GSG1L: variants seen among roughly 807,000 people sequenced by gnomAD.
GSG1L encodes GSG1 like, also known as germ cell-specific gene 1-like protein.
Under a neutral mutation model 42.1 loss-of-function variants are expected in GSG1L, and 24 were observed. The observed-to-expected ratio is 0.57, with a 90% CI of 0.41 to 0.80. The LOEUF is 0.80. GSG1L is among the 30% of genes least tolerant of loss of function. The pLI, the probability that GSG1L is intolerant of heterozygous loss-of-function variation, is 0.00. For missense variants in GSG1L, 445 were observed against 472.2 expected, an observed-to-expected ratio of 0.94 and a Z score of 0.53; for synonymous variants, 215 against 203.5, an observed-to-expected ratio of 1.06 and a Z score of -0.48.
At chr16:28,042,025 G>A (rs118158508) in intron 1 of GSG1L, among the ~76,000 whole-genome samples, 1 of 152,158 alleles carries the variant, frequency 6.6e-6, no homozygotes, top group Non-Finnish European at 1.5e-5. Context: ...TTTTACATTC[G>A]CCATTTCTGT....
At chr16:28,039,069 C>A (rs1418139471) in intron 1 of GSG1L, among the ~76,000 whole-genome samples, 1 of 152,114 alleles carries the variant, frequency 6.6e-6, no homozygotes, top group Non-Finnish European at 1.5e-5. Flanking sequence ...CTTTTTCTAA[C>A]CTTAGAAAAG....
At chr16:27,951,725 C>T (rs1242141002) in intron 2 of GSG1L, among the ~76,000 whole-genome samples, 2 of 152,194 alleles carry the variant, frequency 1.3e-5, no homozygotes, top group African/African-American at 4.8e-5. Context: ...GCTCCCCTCT[C>T]TGCTCAGCAT....
chr16:28,054,716 C>T (rs999562794), intron 1 of GSG1L, among the ~76,000 whole-genome samples: 19 of 151,950 alleles, frequency 1.3e-4, no homozygotes, highest in Non-Finnish European at 8.8e-5. Context: ...GGGCTGGGAA[C>T]TCAATCCTGT....
chr16:27,976,451 T>C (rs1363848725), intron 1 of GSG1L, among the ~76,000 whole-genome samples: 1 of 152,146 alleles, frequency 6.6e-6, no homozygotes, highest in African/African-American at 2.4e-5. Flanking sequence ...TAATAGTACT[T>C]CATAAATCGT....
In GSG1L at chr16:27,884,509, G is replaced by A. The variant is rs141366433; in HGVS notation, c.527C>T (p.Ala176Val). ...ACCTGAGAGCACCGTGAAGACAGCCGCGAAGGCATTGAGCTTGAGCCCGTC... is the reference window on the plus strand; with the variant it reads ...ACCTGAGAGCACCGTGAAGACAGCCACGAAGGCATTGAGCTTGAGCCCGTC... ...VIDGLKLNAF[A>V]AVFTVLSGLL... Residue 176 changes from alanine (A) to valine (V), a missense_variant, in exon 3 of 7, where the codon GCG becomes GTG. Transcript: ENST00000447459. This position sits in a 1 kb window ranked among gnomAD's most constrained non-coding sequence, Gnocchi z 4.4. The A allele has an allele frequency of 7.4e-6, 12 of 1,613,642 alleles. No individual in the cohort carries two copies. Among genetic ancestry groups the A allele is most frequent in the African/African-American group, 4.0e-5 (3 of 74,890 alleles).
At chr16:27,830,373 T>C (rs2083262077) in intron 4 of GSG1L, among the ~76,000 whole-genome samples, 1 of 152,034 alleles carries the variant, frequency 6.6e-6, no homozygotes, top group South Asian at 2.1e-4. Flanking sequence ...GCATTCCCCA[T>C]GGTCAATGAA....
chr16:27,903,500 C>T (rs1475701938), intron 2 of GSG1L, among the ~76,000 whole-genome samples: 2 of 152,172 alleles, frequency 1.3e-5, no homozygotes, highest in Admixed American at 6.5e-5. Context: ...GGTCACTTTC[C>T]TCTGATGTGT....
chr16:27,816,064 C>T (rs1224464211), intron 5 of GSG1L, among the ~76,000 whole-genome samples: 1 of 152,208 alleles, frequency 6.6e-6, no homozygotes, highest in African/African-American at 2.4e-5. Flanking sequence ...ATTATTGTTA[C>T]TGTTGTCACC....
intron 6 of GSG1L, among the ~76,000 whole-genome samples, chr16:27,803,220 A>G (rs1319295865): frequency 6.6e-6 from 1 of 151,846 alleles, no homozygotes; most frequent in Non-Finnish European, 1.5e-5. Context: ...GGTGGTGCAC[A>G]CTGCTAACCC....
At chr16:27,939,656 A>G (rs900791125) in intron 2 of GSG1L, among the ~76,000 whole-genome samples, 8 of 152,172 alleles carry the variant, frequency 5.3e-5, no homozygotes, top group African/African-American at 1.9e-4. Context: ...TAATATATTT[A>G]GAAGAAGAGA....
At chr16:27,876,105 T>G (rs1300453620) in intron 3 of GSG1L, among the ~76,000 whole-genome samples, 1 of 152,194 alleles carries the variant, frequency 6.6e-6, no homozygotes, top group East Asian at 1.9e-4. Flanking sequence ...AATATTCATC[T>G]TTCTGACTTA....
chr16:28,024,037 A>G (rs898521706), intron 1 of GSG1L, among the ~76,000 whole-genome samples: 1 of 152,186 alleles, frequency 6.6e-6, no homozygotes, highest in Admixed American at 6.5e-5. Flanking sequence ...CTCAAAAAAT[A>G]AAGAAAAGAA....
intron 5 of GSG1L, chr16:27,823,767 A>G: frequency 1.5e-6 from 1 of 681,916 alleles, no homozygotes; most frequent in Non-Finnish European, 2.7e-6. Context: ...GTCCTAGCTC[A>G]ATACCCAGCA....
chr16:27,855,115 C>T (rs79103542), intron 3 of GSG1L, among the ~76,000 whole-genome samples: 2 of 152,084 alleles, frequency 1.3e-5, no homozygotes, highest in Admixed American at 6.6e-5. Context: ...GGGTGCTCGA[C>T]CGTGATGGTG....
intron 2 of GSG1L, among the ~76,000 whole-genome samples, chr16:27,904,870 G>GC (rs2084302116): frequency 6.6e-6 from 1 of 152,216 alleles, no homozygotes; most frequent in African/African-American, 2.4e-5. Context: ...GGCAGCTGCA[G>GC]CCACCTGGAG....
At chr16:27,959,228 TG>T (rs2085039917) in intron 2 of GSG1L, among the ~76,000 whole-genome samples, 2 of 149,246 alleles carry the variant, frequency 1.3e-5, no homozygotes, top group African/African-American at 5.0e-5. Flanking sequence ...GAGGCCAACG[TG>T]GGAGGATCGT....
intron 1 of GSG1L, among the ~76,000 whole-genome samples, chr16:27,979,800 A>AGAAAG: frequency 1.6e-5 from 2 of 125,490 alleles, no homozygotes; most frequent in Non-Finnish European, 3.4e-5. Flanking sequence ...AAGAAAGGAA[A>AGAAAG]GAAAGAAAGA....
At chr16:27,854,884 C>A (rs1413541364) in intron 3 of GSG1L, among the ~76,000 whole-genome samples, 1 of 152,012 alleles carries the variant, frequency 6.6e-6, no homozygotes, top group Non-Finnish European at 1.5e-5. Flanking sequence ...TCCAGGAGAG[C>A]GGGGAAAGCC....
intron 4 of GSG1L, among the ~76,000 whole-genome samples, chr16:27,844,459 T>A (rs1191601012): frequency 2.0e-5 from 3 of 152,046 alleles, no homozygotes. Flanking sequence ...ATAGCACGCC[T>A]CTTAGGCAGG....
Sources: allele counts gnomAD v4.1 joint callset (sites outside exome capture counted in the v4.1 genomes callset), GRCh38; gene constraint gnomAD v4.1.1; non-coding constraint Gnocchi (gnomAD v3.1); transcripts MANE v1.5; gene names NCBI Gene and HGNC (gene_info 2026-07-23, HGNC 2026-07-21).